The following LNX1 variants were observed in gnomAD, a reference collection of about 807,000 sequenced individuals.
LNX1 encodes the protein E3 ubiquitin-protein ligase LNX.
LNX1 carries 54 observed loss-of-function variants against 68.4 expected under a neutral mutation model. The ratio of observed to expected loss-of-function variants is 0.79; its 90% CI spans 0.63 to 0.99. LNX1 has a LOEUF of 0.99. LNX1 is among the 50% of genes least tolerant of loss of function. The probability of loss-of-function intolerance (pLI) is 0.00; values close to 1 mark genes in which losing one functional copy is unlikely to be tolerated. For missense variants in LNX1, 906 were observed against 926.4 expected (o/e 0.98, Z 0.29); for synonymous variants, 336 against 350.0 (o/e 0.96, Z 0.45).
intron 1 of LNX1, among the ~76,000 whole-genome samples, chr4:53,588,683 TTGGGGAAAAATGTAGCTAAGG>T (rs1474647951): frequency 1.3e-5 from 2 of 152,118 alleles, no homozygotes; most frequent in African/African-American, 4.8e-5. Flanking sequence ...TTAGCGTCCT[TTGGGGAAAAATGTAGCTAAGG>T]AAACTGACAT....
intron 4 of LNX1, among the ~76,000 whole-genome samples, chr4:53,505,908 A>G (rs1185496959): frequency 6.6e-6 from 1 of 152,236 alleles, no homozygotes; most frequent in Non-Finnish European, 1.5e-5. Context: ...GGATAATGGA[A>G]GGGAGGTGAA....
rs576378165 is a variant in LNX1 at position 53,489,793 on chromosome 4, A to G, written c.1350+6230T>C. 1.1e-4 allele frequency among the ~76,000 whole-genome samples: 17 copies of G among 152,312 alleles called. No individual in the cohort carries two copies. The East Asian group carries it at 2.9e-3, about 26-fold the overall frequency. On this transcript the variant is annotated intron_variant, in intron 6 of 10. Coordinates refer to ENST00000263925, the MANE Select transcript of LNX1 (RefSeq NM_001126328.3). ...ATTCAGCTCAAGGAGATTAAAAAAT[A>G]TTCTATAATCAAGTCTATGTGCATT...
chr4:53,646,293 T>C (rs1734880890), intron 1 of LNX1, among the ~76,000 whole-genome samples: 1 of 152,182 alleles, frequency 6.6e-6, no homozygotes, highest in Non-Finnish European at 1.5e-5. Context: ...TAATAGGGCA[T>C]GGTGGGGACT....
At chr4:53,605,638 C>G (rs553847275) in intron 2 of LNX1, among the ~76,000 whole-genome samples, 4 of 152,108 alleles carry the variant, frequency 2.6e-5, no homozygotes, top group African/African-American at 7.2e-5. Context: ...TCTCTGTATT[C>G]ATGTTTTTTT....
intron 7 of LNX1, 50 bp from the exon 8 acceptor site, chr4:53,478,792 GTT>G (rs1723734942): frequency 1.3e-6 from 2 of 1,540,436 alleles, no homozygotes; most frequent in Non-Finnish European, 8.8e-7. Flanking sequence ...AACTCTGGTA[GTT>G]TTTGAATGTA....
intron 4 of LNX1, among the ~76,000 whole-genome samples, chr4:53,501,311 G>GGGGGCA (rs1553932778): frequency 1.8e-5 from 1 of 55,696 alleles, no homozygotes; most frequent in African/African-American, 6.2e-5. Context: ...GGGGTGGGGG[G>GGGGGCA]ACAGGATCTC....
intron 2 of LNX1, among the ~76,000 whole-genome samples, chr4:53,528,261 T>C (rs1480474478): frequency 1.3e-5 from 2 of 152,256 alleles, no homozygotes; most frequent in African/African-American, 4.8e-5. Flanking sequence ...ATAGTTTTGC[T>C]TTCCGCAGTT....
In LNX1 at chr4:53,477,777, G is replaced by C. The variant is rs537269483; in HGVS notation, c.1663+788C>G. ...AGAATAACCACAGCAAGAGCAAAAA[G>C]ACAGGAGGAGAAAAAAGAGAAAGGC... On this transcript the variant is annotated intron_variant, in intron 8 of 10. Coordinates refer to ENST00000263925, the MANE Select transcript of LNX1 (RefSeq NM_001126328.3). Among the ~76,000 whole-genome samples the C allele has an allele frequency of 3.3e-5, 5 of 152,158 alleles. No homozygotes were observed. In the South Asian group the frequency reaches 1.0e-3, roughly 32 times the overall value.
chr4:53,621,283 C>T (rs1733871051), upstream of LNX1, among the ~76,000 whole-genome samples: 1 of 152,228 alleles, frequency 6.6e-6, no homozygotes, highest in Admixed American at 6.5e-5. Context: ...GCAGTGCCCT[C>T]TGCCTGGGAT....
chr4:53,575,458 A>T, intron 1 of LNX1: 1 of 968,100 alleles, frequency 1.0e-6, no homozygotes, highest in Non-Finnish European at 1.2e-6. Context: ...CATGAGTTTG[A>T]TATGCAGACC....
chr4:53,524,201 C>T (rs747254132), intron 2 of LNX1: 10 of 152,088 alleles, frequency 6.6e-5, no homozygotes, highest in Non-Finnish European at 1.3e-4. Context: ...ATAGTGAAAG[C>T]TTTCACTAGA....
intron 2 of LNX1, chr4:53,558,200 G>T: frequency 7.6e-7 from 1 of 1,308,972 alleles, no homozygotes; most frequent in Non-Finnish European, 9.8e-7. Flanking sequence ...ACCACGGTTG[G>T]CGAGAGAGCT....
At chr4:53,467,595 A>C (rs189954396) in intron 9 of LNX1, among the ~76,000 whole-genome samples, 1,612 of 152,286 alleles carry the variant, frequency 0.011, 30 homozygotes, top group South Asian at 0.078. Context: ...AACCTTGAAA[A>C]AAAATTAGAC....
chr4:53,461,149 A>G, intron 10 of LNX1, 107 bp from the exon 11 acceptor site: 1 of 900,744 alleles, frequency 1.1e-6, no homozygotes, highest in Non-Finnish European at 1.6e-6. Context: ...GACCATTTTA[A>G]TTATGTTAAC....
intron 2 of LNX1, among the ~76,000 whole-genome samples, chr4:53,523,855 C>A (rs540314042): frequency 6.6e-6 from 1 of 152,304 alleles, no homozygotes; most frequent in African/African-American, 2.4e-5. Flanking sequence ...ACTGTCCCAC[C>A]ATCCTCCTGC....
At chr4:53,490,982 C>T (rs1369173501) in intron 6 of LNX1, among the ~76,000 whole-genome samples, 2 of 152,078 alleles carry the variant, frequency 1.3e-5, no homozygotes, top group African/African-American at 2.4e-5. Flanking sequence ...GCAAAAGAAT[C>T]TTTTAGGAAG....
chr4:53,491,613 GA>G (rs1724678924), intron 6 of LNX1, among the ~76,000 whole-genome samples: 1 of 152,140 alleles, frequency 6.6e-6, no homozygotes, highest in African/African-American at 2.4e-5. Context: ...CATGAAAGCA[GA>G]TTTGGTGCTT....
Position 53,507,472 on chromosome 4 carries a change from G to A in LNX1, c.623-3C>T, listed in dbSNP as rs777643709. The A allele has an allele frequency of 5.6e-6, 9 of 1,613,406 alleles. No homozygotes were observed. Among genetic ancestry groups the A allele is most frequent in the South Asian group, 2.2e-5 (2 of 91,060 alleles). ...AGTGGATCTCTCAAAGGGCCGTGCT[G>A]AGGAATAGCGACAGGAGGAACAGTA... On this transcript the variant is annotated splice_region_variant and splice_polypyrimidine_tract_variant and intron_variant, in intron 3 of 10. Coordinates refer to ENST00000263925, the MANE Select transcript of LNX1 (RefSeq NM_001126328.3).
chr4:53,619,604 C>T (rs1733795158), upstream of LNX1, among the ~76,000 whole-genome samples: 1 of 152,178 alleles, frequency 6.6e-6, no homozygotes, highest in Non-Finnish European at 1.5e-5. Context: ...TGTTGTTTAG[C>T]TGTTCATCAC....
Sources: gnomAD v4.1 joint callset for allele counts (sites outside exome capture counted in the v4.1 genomes callset) on GRCh38, gnomAD v4.1.1 for gene constraint, MANE v1.5 for transcripts, NCBI Gene and HGNC (gene_info 2026-07-23, HGNC 2026-07-21) for gene names.